ACOT12: variants seen among roughly 807,000 people sequenced by gnomAD.
The protein encoded by ACOT12 is acetyl-coenzyme A thioesterase.
A neutral mutation model predicts 67.7 loss-of-function variants in ACOT12; 51 were observed. The ratio of observed to expected loss-of-function variants is 0.75; its 90% CI spans 0.60 to 0.95. The LOEUF is 0.95. ACOT12 is among the 40% of genes least tolerant of loss of function. The pLI is 0.00. For synonymous variants in ACOT12, 251 were observed against 244.6 expected (o/e 1.03, Z -0.24); for missense variants, 734 against 708.1 (o/e 1.04, Z -0.41).
intron 2 of ACOT12, among the ~76,000 whole-genome samples, chr5:81,382,196 A>G (rs1344896656): frequency 1.3e-5 from 2 of 152,198 alleles, no homozygotes; most frequent in African/African-American, 4.8e-5. Context: ...TTAAAAATAC[A>G]TAATTTCTAA....
chr5:81,367,440 G>A (rs1425874159), intron 3 of ACOT12, among the ~76,000 whole-genome samples: 8 of 152,156 alleles, frequency 5.3e-5, no homozygotes, highest in Admixed American at 5.2e-4. Context: ...CATGGGAAGG[G>A]AAGTGTGTGT....
downstream of ACOT12, among the ~76,000 whole-genome samples, chr5:81,328,000 A>C (rs1383388624): frequency 6.6e-6 from 1 of 152,102 alleles, no homozygotes; most frequent in African/African-American, 2.4e-5. Flanking sequence ...AGAGTAGGGG[A>C]AGATGGTCTT....
At chr5:81,370,145 G>A (rs1177186290) in intron 3 of ACOT12, among the ~76,000 whole-genome samples, 1 of 152,084 alleles carries the variant, frequency 6.6e-6, no homozygotes, top group East Asian at 1.9e-4. Flanking sequence ...GTGGTGGCAT[G>A]CACCTGTAAT....
intron 4 of ACOT12, among the ~76,000 whole-genome samples, chr5:81,362,465 C>T (rs958897612): frequency 6.6e-5 from 10 of 152,122 alleles, no homozygotes; most frequent in Non-Finnish European, 1.0e-4. Context: ...CATGCTCGGC[C>T]GACTATTATA....
chr5:81,308,795 T>TA, the ACOT12 span: 1 of 1,515,458 alleles, frequency 6.6e-7, no homozygotes, highest in Non-Finnish European at 8.9e-7. Flanking sequence ...CACAATTTGT[T>TA]ACGAGTGTGC....
chr5:81,312,591 T>C, the ACOT12 span: 1 of 1,613,908 alleles, frequency 6.2e-7, no homozygotes, highest in Non-Finnish European at 8.5e-7. Context: ...GAGTGCAGAC[T>C]ATGAAGAAAT....
the ACOT12 span, among the ~76,000 whole-genome samples, chr5:81,315,558 A>G: frequency 1.4e-4 from 22 of 152,200 alleles, no homozygotes; most frequent in Non-Finnish European, 2.9e-5. Flanking sequence ...GCATTTGTTG[A>G]ATGAGTTAAT....
intron 3 of ACOT12, among the ~76,000 whole-genome samples, chr5:81,366,893 AG>A (rs1405856990): frequency 3.3e-5 from 5 of 152,220 alleles, no homozygotes; most frequent in African/African-American, 1.2e-4. Flanking sequence ...GAACAGTATC[AG>A]TGACCCGTGG....
At chr5:81,380,008 A>C (rs1385349435) in intron 2 of ACOT12, among the ~76,000 whole-genome samples, 1 of 152,108 alleles carries the variant, frequency 6.6e-6, no homozygotes, top group Non-Finnish European at 1.5e-5. Flanking sequence ...TACCTGTCAT[A>C]ATCTGTAGCA....
intron 2 of ACOT12, 66 bp downstream of exon 2, chr5:81,385,691 A>AC (rs904112638): frequency 1.4e-5 from 21 of 1,473,496 alleles, no homozygotes; most frequent in Admixed American, 3.4e-5. Flanking sequence ...CTCAGGTGCC[A>AC]CCAATACATG....
intron 12 of ACOT12, among the ~76,000 whole-genome samples, chr5:81,334,693 C>T (rs1227431341): frequency 6.6e-6 from 1 of 152,212 alleles, no homozygotes; most frequent in African/African-American, 2.4e-5. Context: ...AAACGCTTAA[C>T]ACATAGGAAG....
chr5:81,358,853 G>GAA (rs10617260), intron 5 of ACOT12, among the ~76,000 whole-genome samples: 1 of 143,096 alleles, frequency 7.0e-6, no homozygotes, highest in African/African-American at 2.5e-5. Flanking sequence ...CTGTCTCAAA[G>GAA]AAAAAAAAAA....
chr5:81,338,457 C>T (rs1311890055), intron 11 of ACOT12, among the ~76,000 whole-genome samples: 1 of 152,102 alleles, frequency 6.6e-6, no homozygotes, highest in Non-Finnish European at 1.5e-5. Context: ...CTGCTCTAGC[C>T]ATGTAGGACG....
the ACOT12 span, chr5:81,308,791 T>C: frequency 6.6e-7 from 1 of 1,521,494 alleles, no homozygotes; most frequent in African/African-American, 1.4e-5. Flanking sequence ...TTAACACAAT[T>C]TGTTACGAGT....
chr5:81,345,795 G>A (rs1580543347), intron 7 of ACOT12, 90 bp downstream of exon 7: 1 of 1,521,108 alleles, frequency 6.6e-7, no homozygotes, highest in Non-Finnish European at 9.0e-7. Context: ...TTTCACTAAA[G>A]TAGTTCCCAT....
At chr5:81,371,182 G>C (rs1433383998) in intron 3 of ACOT12, among the ~76,000 whole-genome samples, 1 of 152,042 alleles carries the variant, frequency 6.6e-6, no homozygotes, top group African/African-American at 2.4e-5. Flanking sequence ...TCTCTTGCAG[G>C]TTTACTTTCT....
intron 2 of ACOT12, among the ~76,000 whole-genome samples, chr5:81,384,358 G>A (rs937724996): frequency 6.6e-6 from 1 of 151,876 alleles, no homozygotes; most frequent in Non-Finnish European, 1.5e-5. Flanking sequence ...GGCTGGTTTT[G>A]AACTGCTGAC....
chr5:81,320,049 CA>C, the ACOT12 span, among the ~76,000 whole-genome samples: 1 of 152,134 alleles, frequency 6.6e-6, no homozygotes, highest in Non-Finnish European at 1.5e-5. Flanking sequence ...GAGAAATGGA[CA>C]TAAATTTTGT....
intron 5 of ACOT12, among the ~76,000 whole-genome samples, chr5:81,358,735 G>C (rs1213580327): frequency 6.6e-6 from 1 of 152,118 alleles, no homozygotes; most frequent in African/African-American, 2.4e-5. Context: ...TATAATCCCA[G>C]CTACTTCGGA....
Sources: allele counts gnomAD v4.1 joint callset (sites outside exome capture counted in the v4.1 genomes callset), GRCh38; gene constraint gnomAD v4.1.1; transcripts MANE v1.5; gene names NCBI Gene and HGNC (gene_info 2026-07-23, HGNC 2026-07-21).